The following NDUFA10 variants were observed in gnomAD, a reference collection of about 807,000 sequenced individuals.
NDUFA10 encodes the protein NADH dehydrogenase [ubiquinone] 1 alpha subcomplex subunit 10, mitochondrial.
A neutral mutation model predicts 47.8 loss-of-function variants in NDUFA10; 40 were observed. The observed-to-expected ratio is 0.84, with a 90% CI of 0.65 to 1.09. NDUFA10 has a LOEUF of 1.09. Ranked by LOEUF, NDUFA10 falls within the 50% of genes least tolerant of loss-of-function variation. The pLI, the probability that NDUFA10 is intolerant of heterozygous loss-of-function variation, is 0.00. For synonymous variants in NDUFA10, 183 were observed against 172.2 expected, an observed-to-expected ratio of 1.06 and a Z score of -0.49; for missense variants, 413 against 451.1, an observed-to-expected ratio of 0.92 and a Z score of 0.76.
At chr2:239,971,008 A>T (rs1695283340) in intron 9 of NDUFA10, among the ~76,000 whole-genome samples, 1 of 152,228 alleles carries the variant, frequency 6.6e-6, no homozygotes, top group South Asian at 2.1e-4. Flanking sequence ...TTTATGGACA[A>T]GCTTCTCTGT....
intron 4 of NDUFA10, among the ~76,000 whole-genome samples, chr2:239,935,116 C>T (rs1239884762): frequency 6.6e-6 from 1 of 152,234 alleles, no homozygotes; most frequent in African/African-American, 2.4e-5. Context: ...TCCTTCCTGG[C>T]TGTCTCTCAG....
At chr2:239,975,857 T>C (rs1275107046) in intron 9 of NDUFA10, among the ~76,000 whole-genome samples, 1 of 152,156 alleles carries the variant, frequency 6.6e-6, no homozygotes, top group African/African-American at 2.4e-5. Context: ...CCAGCCACCC[T>C]CCTGGATCCC....
chr2:239,999,049 G>A (rs1696598539), intron 8 of NDUFA10, among the ~76,000 whole-genome samples: 1 of 152,132 alleles, frequency 6.6e-6, no homozygotes, highest in Non-Finnish European at 1.5e-5. Context: ...AGGAGGCTGT[G>A]GGAACCAAGG....
At chr2:239,975,662 G>A (rs73007452) in intron 9 of NDUFA10, among the ~76,000 whole-genome samples, 1,669 of 152,276 alleles carry the variant, frequency 0.011, 8 homozygotes, top group Middle Eastern at 0.027. Context: ...AGCAGAAGTG[G>A]TGCCCTCTTC....
At position 239,927,839 on chromosome 2, in the gene NDUFA10, C is replaced by T. The variant is rs1238226978; in HGVS notation, c.295-32525G>A. On this transcript the variant is annotated intron_variant, in intron 4 of 5. Coordinates refer to the NDUFA10 transcript ENST00000419408. The stretch of plus-strand genomic sequence containing the variant: ...CAAAATTCTATAAAACCACATGGAA[C>T]AACAAATGAGTGTGAGGAAAGCTGG... 2.0e-5 allele frequency among the ~76,000 whole-genome samples: 3 copies of T among 152,290 alleles called. No individual in the cohort carries two copies. In the East Asian group the frequency reaches 5.8e-4, roughly 29 times the overall value.
intron 4 of NDUFA10, among the ~76,000 whole-genome samples, chr2:239,941,389 G>A (rs1362162014): frequency 3.9e-5 from 6 of 152,096 alleles, no homozygotes; most frequent in African/African-American, 7.2e-5. Flanking sequence ...ACAGAACTGC[G>A]GCTGTTCCAC....
chr2:239,893,919 T>C (rs1451594471), intron 5 of NDUFA10, among the ~76,000 whole-genome samples: 1 of 148,944 alleles, frequency 6.7e-6, no homozygotes, highest in Non-Finnish European at 1.5e-5. Flanking sequence ...CTCAACTCCA[T>C]CATCCCAATC....
intron 4 of NDUFA10, among the ~76,000 whole-genome samples, chr2:239,926,355 A>G (rs551651521): frequency 6.6e-6 from 1 of 152,290 alleles, no homozygotes; most frequent in South Asian, 2.1e-4. Context: ...CAGACCAAAT[A>G]TGCTACAGTG....
intron 4 of NDUFA10, among the ~76,000 whole-genome samples, chr2:239,935,494 C>T (rs761504080): frequency 3.3e-5 from 5 of 152,180 alleles, no homozygotes; most frequent in Non-Finnish European, 7.3e-5. Flanking sequence ...CCCCATCGCT[C>T]AGCTCATGGT....
intron 1 of NDUFA10, among the ~76,000 whole-genome samples, chr2:240,024,415 T>C (rs921180080): frequency 6.6e-6 from 1 of 152,196 alleles, no homozygotes; most frequent in African/African-American, 2.4e-5. Context: ...AAAAGGCAAC[T>C]ATGGAAATGT....
intron 9 of NDUFA10, among the ~76,000 whole-genome samples, chr2:239,970,738 T>C (rs1029424314): frequency 1.3e-5 from 2 of 152,222 alleles, no homozygotes; most frequent in African/African-American, 4.8e-5. Context: ...GGTGAAACCC[T>C]ACAGCAATCA....
intron 8 of NDUFA10, among the ~76,000 whole-genome samples, chr2:240,004,979 C>T (rs576755585): frequency 2.6e-5 from 4 of 152,236 alleles, no homozygotes; most frequent in South Asian, 4.1e-4. Flanking sequence ...AAATCTGGAA[C>T]GGTGTTGCAC....
chr2:239,904,320 C>T (rs191038252), intron 4 of NDUFA10, among the ~76,000 whole-genome samples: 3 of 152,170 alleles, frequency 2.0e-5, no homozygotes, highest in Admixed American at 6.5e-5. Flanking sequence ...ATTTTTTAGA[C>T]GTAGTCTCTC....
intron 5 of NDUFA10, among the ~76,000 whole-genome samples, chr2:239,893,651 A>T (rs1187616596): frequency 6.6e-6 from 1 of 152,168 alleles, no homozygotes. Flanking sequence ...TCCATAAGGC[A>T]CTAATCCATT....
intron 4 of NDUFA10, among the ~76,000 whole-genome samples, chr2:239,926,426 A>G (rs1371401092): frequency 6.6e-6 from 1 of 152,198 alleles, no homozygotes; most frequent in Non-Finnish European, 1.5e-5. Flanking sequence ...TGTAGCCAGC[A>G]TATGTCATAG....
intron 4 of NDUFA10, among the ~76,000 whole-genome samples, chr2:239,910,878 C>T (rs1049052351): frequency 7.9e-5 from 12 of 152,198 alleles, no homozygotes; most frequent in African/African-American, 2.9e-4. Flanking sequence ...GGCCCCGGCT[C>T]CTCCTCGTGA....
At chr2:240,022,480 G>A in intron 1 of NDUFA10, 140 bp from the exon 2 acceptor site, 1 of 1,294,722 alleles carries the variant, frequency 7.7e-7, no homozygotes, top group Non-Finnish European at 1.1e-6. Context: ...CTATTAATTT[G>A]TTTAATTATC....
chr2:239,900,579 G>GGA lies in NDUFA10; in HGVS notation c.295-5266_295-5265insTC, dbSNP rs1553552815. ...CATTGGGTGGTCTTTTCTTCCATAG[G>GGA]AAAAAAAAAACCCATGTGTGTGGGC... On this transcript the variant is annotated intron_variant, in intron 4 of 5. Transcript: ENST00000419408. Among the ~76,000 whole-genome samples, 555 of 148,192 alleles carry GGA rather than the reference G, an allele frequency of 3.7e-3. 4 individuals are homozygous for GGA. Among genetic ancestry groups the GGA allele is most frequent in the South Asian group, 0.03 (141 of 4,712 alleles).
Position 239,906,733 on chromosome 2 carries a change from A to T in NDUFA10, c.295-11419T>A, listed in dbSNP as rs1296114640. ...GTGCTGCCTCTTCAAGGAGTACTACAAACCACCGCTCAATGAAATAAAAGA... is the reference window on the plus strand; with the variant it reads ...GTGCTGCCTCTTCAAGGAGTACTACTAACCACCGCTCAATGAAATAAAAGA... On this transcript the variant is annotated intron_variant, in intron 4 of 5. Coordinates refer to the NDUFA10 transcript ENST00000419408. This position sits in a 1 kb window ranked among gnomAD's most constrained non-coding sequence, Gnocchi z 4.3. Among the ~76,000 whole-genome samples the T allele has an allele frequency of 6.6e-6, 1 of 152,146 alleles. No individual in the cohort carries two copies. The highest frequency in any genetic ancestry group is 2.4e-5 in the African/African-American group (1 of 41,410).
Sources: gnomAD v4.1 joint callset for allele counts (sites outside exome capture counted in the v4.1 genomes callset) on GRCh38, gnomAD v4.1.1 for gene constraint, Gnocchi (gnomAD v3.1) non-coding constraint, MANE v1.5 for transcripts, NCBI Gene and HGNC (gene_info 2026-07-23, HGNC 2026-07-21) for gene names.